Variants in DIS3L2 observed in about 807,000 individuals in gnomAD.
DIS3L2 encodes the protein DIS3-like exonuclease 2.
In DIS3L2, 34 loss-of-function variants were observed where a neutral mutation model predicts 97.5. The observed-to-expected ratio is 0.35, with a 90% CI of 0.27 to 0.46. DIS3L2 has a LOEUF of 0.46. DIS3L2 is among the 20% of genes least tolerant of loss of function. DIS3L2 has a pLI of 1.00. For missense variants in DIS3L2, 1,038 were observed against 1,146.0 expected (o/e 0.91, Z 1.36); for synonymous variants, 435 against 445.2 (o/e 0.98, Z 0.29).
intron 1 of DIS3L2, among the ~76,000 whole-genome samples, chr2:232,008,327 C>G (rs139652190): frequency 8.4e-4 from 128 of 151,946 alleles, no homozygotes; most frequent in African/African-American, 2.7e-3. Flanking sequence ...CACATCTGGC[C>G]AAATTTTCTC....
chr2:232,128,992 G>A (rs1698147372), intron 6 of DIS3L2, among the ~76,000 whole-genome samples: 1 of 152,186 alleles, frequency 6.6e-6, no homozygotes. Context: ...GTTCAGGTCT[G>A]ATAGAAAATC....
chr2:232,055,729 A>G (rs1299729472), intron 5 of DIS3L2, among the ~76,000 whole-genome samples: 2 of 152,216 alleles, frequency 1.3e-5, no homozygotes, highest in African/African-American at 4.8e-5. Flanking sequence ...GACTTACCAT[A>G]AGTGAGCACA....
At chr2:232,270,841 C>T (rs375535389) in intron 13 of DIS3L2, among the ~76,000 whole-genome samples, 11 of 151,806 alleles carry the variant, frequency 7.2e-5, no homozygotes, top group South Asian at 4.2e-4. Context: ...CTGGCGCACT[C>T]GCGCGCTCTC....
chr2:232,238,504 GCCTGATAGT>G lies in DIS3L2; in HGVS notation c.1205-25_1205-17del. On this transcript the variant is annotated intron_variant, in intron 10 of 20. Coordinates refer to ENST00000325385, the MANE Select transcript of DIS3L2 (RefSeq NM_152383.5). The stretch of plus-strand genomic sequence containing the variant: ...GAGAATGCTGTGGCCTTCCACGCCA[GCCTGATAGT>G]CCTTCTCGTGCATTTACAGGCAACT... The G allele has an allele frequency of 6.3e-7, 1 of 1,596,384 alleles. No homozygotes were observed. Among genetic ancestry groups the G allele is most frequent in the Non-Finnish European group, 8.6e-7 (1 of 1,164,892 alleles).
At chr2:232,331,572 C>T (rs1302373119) in intron 16 of DIS3L2, 1 of 152,214 alleles carries the variant, frequency 6.6e-6, no homozygotes, top group Non-Finnish European at 1.5e-5. Flanking sequence ...CGTGACCTGC[C>T]CCCAGTCACA....
At chr2:232,228,085 GC>G (rs1692695017) in intron 10 of DIS3L2, among the ~76,000 whole-genome samples, 1 of 152,104 alleles carries the variant, frequency 6.6e-6, no homozygotes. Flanking sequence ...TCCTGCCTCA[GC>G]CTCCTGAGTA....
At chr2:232,217,857 G>T (rs927277868) in intron 10 of DIS3L2, among the ~76,000 whole-genome samples, 1 of 152,144 alleles carries the variant, frequency 6.6e-6, no homozygotes, top group Non-Finnish European at 1.5e-5. Context: ...GGCTTCATTC[G>T]ATAGGCATGA....
intron 5 of DIS3L2, among the ~76,000 whole-genome samples, chr2:232,084,427 A>G (rs947940668): frequency 2.0e-5 from 3 of 152,206 alleles, no homozygotes; most frequent in African/African-American, 7.2e-5. Context: ...TTCACTGAGC[A>G]TATCTTTTGA....
intron 5 of DIS3L2, among the ~76,000 whole-genome samples, chr2:232,046,731 T>G (rs536213636): frequency 4.5e-4 from 68 of 152,368 alleles, no homozygotes; most frequent in Non-Finnish European, 8.2e-4. Context: ...TGAAAAGAGA[T>G]AGATTTTAGA....
At chr2:232,206,110 T>G (rs1692020302) in intron 9 of DIS3L2, among the ~76,000 whole-genome samples, 1 of 152,192 alleles carries the variant, frequency 6.6e-6, no homozygotes, top group Non-Finnish European at 1.5e-5. Context: ...TCTTCGCATC[T>G]CCAAAGGTGC....
At chr2:232,157,258 T>C (rs1435403013) in intron 8 of DIS3L2, among the ~76,000 whole-genome samples, 1 of 152,188 alleles carries the variant, frequency 6.6e-6, no homozygotes, top group East Asian at 1.9e-4. Context: ...CTAAATATTT[T>C]ATGTGTGGGT....
At chr2:232,092,784 T>C (rs1696883582) in intron 6 of DIS3L2, among the ~76,000 whole-genome samples, 1 of 152,132 alleles carries the variant, frequency 6.6e-6, no homozygotes, top group Non-Finnish European at 1.5e-5. Flanking sequence ...TTCTAATAGT[T>C]TTTTGGTGAA....
intron 1 of DIS3L2, among the ~76,000 whole-genome samples, chr2:232,002,847 A>G (rs1311529562): frequency 6.6e-6 from 1 of 152,128 alleles, no homozygotes; most frequent in Non-Finnish European, 1.5e-5. Flanking sequence ...AAATGATCGT[A>G]TGTGTGTGTG....
chr2:232,159,385 C>G (rs1279262625), intron 8 of DIS3L2, among the ~76,000 whole-genome samples: 5 of 152,166 alleles, frequency 3.3e-5, no homozygotes, highest in Non-Finnish European at 5.9e-5. Context: ...TCCTAAGCAG[C>G]CTTTTGTCTT....
Position 232,336,870 on chromosome 2 carries a change from G to A in DIS3L2, c.*240G>A, listed in dbSNP as rs1695974576. ...CAGCAGAGCAGGCCCCAGTCCTCCT[G>A]GGAGGCTGGCCCCCCTTTTTTCTGG... On this transcript the variant is annotated 3_prime_UTR_variant, in exon 21 of 21. Coordinates refer to ENST00000325385, the MANE Select transcript of DIS3L2 (RefSeq NM_152383.5). 2 of 1,343,336 alleles carry A rather than the reference G, an allele frequency of 1.5e-6. No homozygotes were observed. The highest frequency in any genetic ancestry group is 1.5e-5 in the African/African-American group (1 of 67,548). 83.2% of individuals were successfully genotyped at this position (1,343,336 alleles called of 1,614,324 possible).
In DIS3L2 at chr2:232,092,422, A is replaced by AT. The variant is rs553508666; in HGVS notation, c.601+4711dup. On this transcript the variant is annotated intron_variant, in intron 6 of 20. Coordinates refer to ENST00000325385, the MANE Select transcript of DIS3L2 (RefSeq NM_152383.5). Reference sequence around the variant, plus strand: ...TTTGTGGTGCTGCATAAATTTTAGGATTTTTTTTTTCTATGAAGAGTGTCA... The same window carrying AT: ...TTTGTGGTGCTGCATAAATTTTAGGATTTTTTTTTTTCTATGAAGAGTGTCA... Among the ~76,000 whole-genome samples, 1,349 of 148,416 alleles carry AT rather than the reference A, an allele frequency of 9.1e-3. 14 individuals carry two copies. Among genetic ancestry groups the AT allele is most frequent in the Non-Finnish European group, 0.012 (780 of 66,716 alleles).
chr2:232,104,887 G>C (rs760833966), intron 6 of DIS3L2, among the ~76,000 whole-genome samples: 1 of 151,644 alleles, frequency 6.6e-6, no homozygotes, highest in Admixed American at 6.6e-5. Context: ...GTGTGATCTC[G>C]GCTCACTGCA....
rs61001802 is a variant in DIS3L2, at chr2:232,031,279, ATT to A, written c.366+1200_366+1201del. 9.3e-4 allele frequency among the ~76,000 whole-genome samples: 141 copies of A among 152,278 alleles called. 2 individuals carry two copies. The East Asian group carries it at 0.022, about 24-fold the overall frequency. ...ATCTCAGAGCTTTGTTGAGGCATAC[ATT>A]CTTTTTAATCTGATACAGCTAAAGT... is the stretch of plus-strand genomic sequence containing the variant. On this transcript the variant is annotated intron_variant, in intron 5 of 20. Coordinates refer to ENST00000325385, the MANE Select transcript of DIS3L2 (RefSeq NM_152383.5).
intron 9 of DIS3L2, among the ~76,000 whole-genome samples, chr2:232,176,913 T>C (rs1351884286): frequency 6.7e-6 from 1 of 148,248 alleles, no homozygotes; most frequent in Non-Finnish European, 1.5e-5. Context: ...CACTAACTCG[T>C]CATCTAGCAT....
Sources: gnomAD v4.1 joint callset for allele counts (sites outside exome capture counted in the v4.1 genomes callset) on GRCh38, gnomAD v4.1.1 for gene constraint, MANE v1.5 for transcripts, NCBI Gene and HGNC (gene_info 2026-07-23, HGNC 2026-07-21) for gene names.